The following TRIQK variants were observed in gnomAD, a reference collection of about 807,000 sequenced individuals.
The protein encoded by TRIQK is triple QxxK/R motif-containing protein.
In TRIQK, 10 loss-of-function variants were observed where a neutral mutation model predicts 10.8. The observed-to-expected ratio is 0.92, with a 90% CI of 0.57 to 1.57. The LOEUF is 1.57. Ranked by LOEUF, TRIQK falls within the 40% of genes most tolerant of loss-of-function variation. The pLI is 0.00. For synonymous variants in TRIQK, 33 were observed against 33.7 expected (o/e 0.98, Z 0.07); for missense variants, 107 against 97.7 (o/e 1.09, Z -0.40).
chr8:92,945,326 T>A (rs1811473491), intron 2 of TRIQK, among the ~76,000 whole-genome samples: 1 of 152,156 alleles, frequency 6.6e-6, no homozygotes, highest in Non-Finnish European at 1.5e-5. Flanking sequence ...CCCTGACACA[T>A]GGAAGCTCAG....
intron 3 of TRIQK, among the ~76,000 whole-genome samples, chr8:92,910,860 A>C (rs980376244): frequency 6.6e-6 from 1 of 151,388 alleles, no homozygotes; most frequent in African/African-American, 2.4e-5. Flanking sequence ...ACAAGAATTG[A>C]AAACTATAGT....
chr8:92,895,506 G>T (rs2130296882), intron 3 of TRIQK, among the ~76,000 whole-genome samples: 1 of 152,286 alleles, frequency 6.6e-6, no homozygotes, highest in Middle Eastern at 3.4e-3. Flanking sequence ...GTGCTCAGAA[G>T]AAATGGTGAG....
chr8:93,007,591 G>C (rs916537905), intron 1 of TRIQK, among the ~76,000 whole-genome samples: 2 of 152,148 alleles, frequency 1.3e-5, no homozygotes, highest in African/African-American at 4.8e-5. Flanking sequence ...TGAGTTAAAG[G>C]AGCATGTTCT....
intron 1 of TRIQK, chr8:92,973,344 A>ACAC: frequency 6.6e-6 from 1 of 152,344 alleles, no homozygotes; most frequent in South Asian, 2.1e-4. Flanking sequence ...GAAGGTGAAC[A>ACAC]GTAGCAATCA....
intron 1 of TRIQK, among the ~76,000 whole-genome samples, chr8:92,979,496 T>C (rs778432318): frequency 6.6e-6 from 1 of 152,080 alleles, no homozygotes; most frequent in Non-Finnish European, 1.5e-5. Context: ...TTAGAATCAA[T>C]TTTTCAGGTT....
At chr8:93,006,442 G>A (rs1203531373) in intron 1 of TRIQK, among the ~76,000 whole-genome samples, 3 of 152,162 alleles carry the variant, frequency 2.0e-5, no homozygotes, top group Non-Finnish European at 4.4e-5. Flanking sequence ...TGCGACACAC[G>A]GATCAGGAGA....
intron 3 of TRIQK, among the ~76,000 whole-genome samples, chr8:92,912,606 T>C (rs1023363524): frequency 1.3e-5 from 2 of 151,564 alleles, no homozygotes; most frequent in Non-Finnish European, 3.0e-5. Flanking sequence ...AAAAACAATG[T>C]GGAAAAAATC....
At chr8:92,894,356 A>G (rs1816908345) in intron 3 of TRIQK, among the ~76,000 whole-genome samples, 1 of 152,084 alleles carries the variant, frequency 6.6e-6, no homozygotes, top group African/African-American at 2.4e-5. Flanking sequence ...CAACATTTAA[A>G]TATTTATGGC....
At chr8:92,895,611 G>T (rs1808553504) in intron 3 of TRIQK, among the ~76,000 whole-genome samples, 1 of 152,150 alleles carries the variant, frequency 6.6e-6, no homozygotes, top group South Asian at 2.1e-4. Context: ...TTTTGATGAG[G>T]TCTCAGATGG....
At chr8:93,013,682 T>C (rs1004768758) in intron 1 of TRIQK, among the ~76,000 whole-genome samples, 10 of 152,170 alleles carry the variant, frequency 6.6e-5, no homozygotes, top group Non-Finnish European at 1.0e-4. Context: ...CCATTAATAT[T>C]TGTAGGTGCC....
At chr8:92,906,134 T>C (rs1219349070) in intron 3 of TRIQK, among the ~76,000 whole-genome samples, 1 of 152,134 alleles carries the variant, frequency 6.6e-6, no homozygotes, top group African/African-American at 2.4e-5. Context: ...GGCCAAAATT[T>C]GAGTAGTATA....
At chr8:92,963,077 A>T (rs1446250281) in intron 1 of TRIQK, among the ~76,000 whole-genome samples, 2 of 152,288 alleles carry the variant, frequency 1.3e-5, no homozygotes, top group Admixed American at 1.3e-4. Context: ...AATCCATTGT[A>T]ATGCTCTCTC....
At chr8:92,974,994 T>C (rs1202616473) in intron 1 of TRIQK, among the ~76,000 whole-genome samples, 6 of 152,214 alleles carry the variant, frequency 3.9e-5, no homozygotes, top group African/African-American at 1.4e-4. Context: ...CAGGGTTCCA[T>C]TCTCCTCTGA....
At chr8:92,976,859 AATATT>A (rs1812935907) in intron 1 of TRIQK, among the ~76,000 whole-genome samples, 1 of 151,976 alleles carries the variant, frequency 6.6e-6, no homozygotes, top group Admixed American at 6.6e-5. Flanking sequence ...ACCTTTAAGA[AATATT>A]ATATTATTTC....
intron 1 of TRIQK, among the ~76,000 whole-genome samples, chr8:92,980,904 A>G (rs1430547675): frequency 6.6e-6 from 1 of 151,094 alleles, no homozygotes; most frequent in East Asian, 1.9e-4. Context: ...TTTTATTAAT[A>G]TATATTTCAT....
At chr8:93,012,690 G>A (rs748473413) in intron 1 of TRIQK, among the ~76,000 whole-genome samples, 17 of 152,180 alleles carry the variant, frequency 1.1e-4, no homozygotes, top group South Asian at 6.2e-4. Flanking sequence ...ACAAAGTGAC[G>A]CACCAGCTTA....
intron 3 of TRIQK, among the ~76,000 whole-genome samples, chr8:92,911,601 G>A (rs973452000): frequency 3.2e-4 from 48 of 151,166 alleles, no homozygotes; most frequent in Admixed American, 3.0e-3. Flanking sequence ...CATGCAAATC[G>A]TAACCCAAAA....
At chr8:92,956,374 CT>C (rs2130690638) in intron 1 of TRIQK, among the ~76,000 whole-genome samples, 1 of 151,654 alleles carries the variant, frequency 6.6e-6, no homozygotes, top group Admixed American at 6.6e-5. Flanking sequence ...TTAGTGGTTG[CT>C]TAAGGGTGCA....
chr8:92,935,428 G>A (rs144996137), intron 2 of TRIQK, among the ~76,000 whole-genome samples: 11 of 151,686 alleles, frequency 7.3e-5, no homozygotes, highest in Non-Finnish European at 1.3e-4. Flanking sequence ...TTTTGTGCAC[G>A]TTCCTTTATG....
Sources: allele counts gnomAD v4.1 joint callset (sites outside exome capture counted in the v4.1 genomes callset), GRCh38; gene constraint gnomAD v4.1.1; transcripts MANE v1.5; gene names NCBI Gene and HGNC (gene_info 2026-07-23, HGNC 2026-07-21).